TBC1D12: variants seen among roughly 807,000 people sequenced by gnomAD.
TBC1D12 encodes the protein TBC1 domain family, member 12.
In TBC1D12, 56 loss-of-function variants were observed where a neutral mutation model predicts 86.7. The observed-to-expected ratio is 0.65, with a 90% CI of 0.52 to 0.81. The LOEUF (loss-of-function observed/expected upper bound fraction) is 0.81, where lower values mean the gene tolerates loss of function less well. TBC1D12 is among the 30% of genes least tolerant of loss of function. TBC1D12 has a pLI of 0.00. For missense variants in TBC1D12, 1,023 were observed against 1,038.8 expected, an observed-to-expected ratio of 0.98 and a Z score of 0.21; for synonymous variants, 421 against 411.7, an observed-to-expected ratio of 1.02 and a Z score of -0.27.
Position 94,522,070 on chromosome 10 carries a change from T to C in TBC1D12, c.1877T>C (p.Val626Ala). The change falls in exon 10 of 13, where the codon GTG becomes GCG. Residue 626 changes from valine (V) to alanine (A), a missense_variant. By Grantham distance (64) the Val-to-Ala change is moderately conservative. Around this residue, in one of 2 missense-constraint regions of TBC1D12, gnomAD observed 395 missense variants for 507.7 expected, o/e 0.78. Transcript: ENST00000225235. ...CCATGCCAGTTGGCCTTTTTTCGTG[T>C]GGATCACAGCATGGTATGAATGGAT... ...NKPCQLAFFR[V>A]DHSMMLKYFA... The C allele has an allele frequency of 6.2e-7, 1 of 1,612,714 alleles. No homozygotes were observed. The highest frequency in any genetic ancestry group is 8.5e-7 in the Non-Finnish European group (1 of 1,179,062).
chr10:94,406,985 CCTT>C (rs1361835057), intron 1 of TBC1D12, among the ~76,000 whole-genome samples: 9 of 152,166 alleles, frequency 5.9e-5, no homozygotes, highest in Middle Eastern at 3.4e-3. Flanking sequence ...TCCATGCTTT[CCTT>C]CTTCTTCCCT....
At chr10:94,434,789 C>G (rs1029395028) in intron 1 of TBC1D12, among the ~76,000 whole-genome samples, 3 of 152,078 alleles carry the variant, frequency 2.0e-5, no homozygotes, top group African/African-American at 7.2e-5. Flanking sequence ...TGCCTGTGGT[C>G]CCAGCTACTC....
chr10:94,422,183 TA>T (rs1161347567), intron 1 of TBC1D12, among the ~76,000 whole-genome samples: 1 of 147,784 alleles, frequency 6.8e-6, no homozygotes, highest in Non-Finnish European at 1.5e-5. Flanking sequence ...AGGGTTCATG[TA>T]GTTTTTTTTT....
chr10:94,460,585 A>G (rs1383220463), intron 2 of TBC1D12, among the ~76,000 whole-genome samples: 2 of 143,270 alleles, frequency 1.4e-5, no homozygotes, highest in Non-Finnish European at 3.1e-5. Flanking sequence ...TTTTTTTTTT[A>G]ATGTTTATCC....
chr10:94,408,179 G>C (rs1475119313), intron 1 of TBC1D12, among the ~76,000 whole-genome samples: 1 of 152,096 alleles, frequency 6.6e-6, no homozygotes, highest in Non-Finnish European at 1.5e-5. Flanking sequence ...TTTCCTGGTA[G>C]TGCTGATTTT....
chr10:94,507,495 C>A, intron 7 of TBC1D12, 148 bp downstream of exon 7: 1 of 725,926 alleles, frequency 1.4e-6, no homozygotes, highest in Non-Finnish European at 2.2e-6. Flanking sequence ...ACTTGATTTA[C>A]AGAAAAGTTC....
chr10:94,406,870 A>G (rs2054860453), intron 1 of TBC1D12, among the ~76,000 whole-genome samples: 1 of 152,184 alleles, frequency 6.6e-6, no homozygotes, highest in Non-Finnish European at 1.5e-5. Flanking sequence ...AGCTAGTGGC[A>G]TGCTGGGATT....
At chr10:94,501,092 G>GAATAAATAAATA (rs1268926722) in intron 6 of TBC1D12, among the ~76,000 whole-genome samples, 3 of 146,770 alleles carry the variant, frequency 2.0e-5, no homozygotes, top group African/African-American at 7.5e-5. Context: ...ATGAATGAAT[G>GAATAAATAAATA]AATGAATAAA....
At chr10:94,469,328 T>C (rs556715761) in intron 2 of TBC1D12, among the ~76,000 whole-genome samples, 1 of 152,314 alleles carries the variant, frequency 6.6e-6, no homozygotes, top group African/African-American at 2.4e-5. Context: ...CCTCAGGTTA[T>C]TGTTCTTTTC....
intron 1 of TBC1D12, among the ~76,000 whole-genome samples, chr10:94,407,090 A>AG (rs2054863967): frequency 6.6e-6 from 1 of 152,178 alleles, no homozygotes; most frequent in Non-Finnish European, 1.5e-5. Flanking sequence ...TTAAGTAAAG[A>AG]GGGGGGAGCA....
rs1332412878 is a variant in TBC1D12 at position 94,534,406 on chromosome 10, C to T, written c.*1310C>T. Reference sequence around the variant, plus strand: ...GGTAGCCTCTGAATGAGTTATCCAACTTCTGCTTCCTCACATTGGCCACTT... The same window carrying T: ...GGTAGCCTCTGAATGAGTTATCCAATTTCTGCTTCCTCACATTGGCCACTT... On this transcript the variant is annotated 3_prime_UTR_variant, in exon 13 of 13. Transcript: ENST00000225235. The T allele has an allele frequency of 6.6e-6, 1 of 152,198 alleles. No homozygotes were observed. Among genetic ancestry groups the T allele is most frequent in the Non-Finnish European group, 1.5e-5 (1 of 68,038 alleles). The allele number at this position is 152,198 out of a possible 1,614,324, so 9.4% of individuals were successfully genotyped here.
At chr10:94,469,115 C>T (rs1465379614) in intron 2 of TBC1D12, among the ~76,000 whole-genome samples, 1 of 152,174 alleles carries the variant, frequency 6.6e-6, no homozygotes, top group Non-Finnish European at 1.5e-5. Flanking sequence ...GCACAAGAAG[C>T]TTAACTTCTG....
At chr10:94,434,928 G>A (rs2055274185) in intron 1 of TBC1D12, among the ~76,000 whole-genome samples, 1 of 152,136 alleles carries the variant, frequency 6.6e-6, no homozygotes, top group African/African-American at 2.4e-5. Context: ...TCCAAATACT[G>A]TTGCATTGAG....
intron 1 of TBC1D12, among the ~76,000 whole-genome samples, chr10:94,415,401 C>T (rs1486903860): frequency 6.6e-6 from 1 of 152,068 alleles, no homozygotes; most frequent in African/African-American, 2.4e-5. Flanking sequence ...ACTTGTGGTT[C>T]AGAATTCTGT....
At chr10:94,485,033 T>A (rs771145486) in intron 3 of TBC1D12, among the ~76,000 whole-genome samples, 13 of 152,346 alleles carry the variant, frequency 8.5e-5, no homozygotes, top group Non-Finnish European at 1.9e-4. Flanking sequence ...TATAAGATTA[T>A]CTCATCTGCA....
intron 11 of TBC1D12, among the ~76,000 whole-genome samples, chr10:94,524,459 A>G (rs1842235875): frequency 2.0e-5 from 3 of 152,292 alleles, no homozygotes; most frequent in African/African-American, 7.2e-5. Flanking sequence ...TGTACTGTAA[A>G]CCAGGGCATG....
At chr10:94,445,785 T>A (rs2055453199) in intron 2 of TBC1D12, among the ~76,000 whole-genome samples, 1 of 152,026 alleles carries the variant, frequency 6.6e-6, no homozygotes, top group Non-Finnish European at 1.5e-5. Context: ...TGGTCTCTAC[T>A]AAAAATACAA....
chr10:94,453,742 T>G (rs928650149), intron 2 of TBC1D12, among the ~76,000 whole-genome samples: 3 of 152,222 alleles, frequency 2.0e-5, no homozygotes, highest in African/African-American at 4.8e-5. Flanking sequence ...GTTATATAGT[T>G]TTGTACTTTA....
chr10:94,464,177 G>A lies in TBC1D12; in HGVS notation c.1096-10491G>A, dbSNP rs954253245. On this transcript the variant is annotated intron_variant, in intron 2 of 12. Coordinates refer to ENST00000225235, the MANE Select transcript of TBC1D12 (RefSeq NM_015188.2). ...TTTCTTATAAATAGCATATAGTTGG[G>A]TCTTGCTTTTGTATACAATCTGATA... is the stretch of plus-strand genomic sequence containing the variant. Among the ~76,000 whole-genome samples, 22 of 151,700 alleles carry A rather than the reference G, an allele frequency of 1.5e-4. 1 individual carries two copies. The highest frequency in any genetic ancestry group is 9.8e-4 in the Admixed American group (15 of 15,238).
Sources: gnomAD v4.1 joint callset for allele counts (sites outside exome capture counted in the v4.1 genomes callset) on GRCh38, gnomAD v4.1.1 for gene constraint, gnomAD v4.1.1 regional missense constraint, MANE v1.5 for transcripts, NCBI Gene and HGNC (gene_info 2026-07-23, HGNC 2026-07-21) for gene names.